The following FGF12 variants were observed in gnomAD, a reference collection of about 807,000 sequenced individuals.
FGF12 encodes fibroblast growth factor 12.
FGF12 carries 14 observed loss-of-function variants against 23.6 expected under a neutral mutation model. The ratio of observed to expected loss-of-function variants is 0.59; its 90% CI spans 0.39 to 0.93. FGF12 has a LOEUF of 0.93. Ranked by LOEUF, FGF12 falls within the 40% of genes least tolerant of loss-of-function variation. FGF12 has a pLI of 0.00. For synonymous variants in FGF12, 62 were observed against 77.3 expected, an observed-to-expected ratio of 0.80 and a Z score of 1.04; for missense variants, 175 against 217.8, an observed-to-expected ratio of 0.80 and a Z score of 1.24.
intron 2 of FGF12, among the ~76,000 whole-genome samples, chr3:192,583,636 T>G (rs554525937): frequency 1.8e-4 from 28 of 152,324 alleles, no homozygotes; most frequent in Admixed American, 1.3e-3. Context: ...ACCCCCTGAC[T>G]TCATCCTACC....
At chr3:192,642,401 T>C (rs1715840866) in intron 2 of FGF12, among the ~76,000 whole-genome samples, 1 of 152,138 alleles carries the variant, frequency 6.6e-6, no homozygotes, top group Non-Finnish European at 1.5e-5. Flanking sequence ...ACTTGAAAGA[T>C]ACAAGATAAT....
At chr3:192,496,506 T>C (rs1410681012) in intron 2 of FGF12, among the ~76,000 whole-genome samples, 2 of 152,168 alleles carry the variant, frequency 1.3e-5, no homozygotes, top group African/African-American at 4.8e-5. Flanking sequence ...CATCAGCATA[T>C]AAATATGCTA....
chr3:192,337,882 T>C (rs1306381881), intron 3 of FGF12, among the ~76,000 whole-genome samples: 2 of 152,214 alleles, frequency 1.3e-5, no homozygotes, highest in Admixed American at 1.3e-4. Context: ...TTCAGCAGAT[T>C]GCTTTAAAGC....
At chr3:192,328,650 T>C (rs1424949656) in intron 4 of FGF12, among the ~76,000 whole-genome samples, 1 of 152,192 alleles carries the variant, frequency 6.6e-6, no homozygotes, top group African/African-American at 2.4e-5. Context: ...TCTGGAAAGT[T>C]ATCAATCTAA....
intron 2 of FGF12, among the ~76,000 whole-genome samples, chr3:192,643,392 A>G (rs1280025341): frequency 6.6e-6 from 1 of 152,208 alleles, no homozygotes; most frequent in Non-Finnish European, 1.5e-5. Context: ...ATTTTGTCCA[A>G]TGTGAATCTT....
intron 2 of FGF12, among the ~76,000 whole-genome samples, chr3:192,694,108 T>C (rs1718031053): frequency 6.6e-6 from 1 of 152,088 alleles, no homozygotes; most frequent in African/African-American, 2.4e-5. Context: ...TAGACATTTC[T>C]CCAAGGAGGA....
intron 2 of FGF12, among the ~76,000 whole-genome samples, chr3:192,411,717 G>T (rs971289613): frequency 2.6e-5 from 4 of 152,160 alleles, no homozygotes; most frequent in African/African-American, 9.7e-5. Flanking sequence ...GGGCTTTGGG[G>T]GCTCCCTGTC....
At position 192,408,318 on chromosome 3, in the gene FGF12, G is replaced by C; in HGVS notation, c.14-47780C>G. On this transcript the variant is annotated intron_variant, in intron 2 of 5. Transcript: ENST00000445105. The surrounding 1 kb of genome is among the most constrained non-coding windows in gnomAD (Gnocchi z 7.3). ...GGCAGGACCTGGGCGGCCAGGGAAA[G>C]GGCAGTCGCGGGGAGGCAGTGCTAA... The C allele has an allele frequency of 6.9e-7, 1 of 1,441,532 alleles. No individual in the cohort carries two copies. The highest frequency in any genetic ancestry group is 2.5e-5 in the East Asian group (1 of 39,762). The allele number at this position is 1,441,532 out of a possible 1,614,324, so 89.3% of individuals were successfully genotyped here. A position where few individuals can be genotyped will look rare whatever the true frequency, so the allele number is the denominator to read the frequency against.
intron 4 of FGF12, among the ~76,000 whole-genome samples, chr3:192,189,323 T>C (rs1472954729): frequency 6.6e-6 from 1 of 152,208 alleles, no homozygotes; most frequent in Admixed American, 6.5e-5. Flanking sequence ...GGCATGCTTC[T>C]CAGTTCCAAA....
chr3:192,421,117 TG>T (rs1721514411), intron 2 of FGF12, among the ~76,000 whole-genome samples: 1 of 152,134 alleles, frequency 6.6e-6, no homozygotes, highest in Admixed American at 6.5e-5. Flanking sequence ...TGCTTGACAA[TG>T]TTTAACTGAC....
Position 192,173,301 on chromosome 3 carries a change from GA to G in FGF12, c.229-2646del, listed in dbSNP as rs986826403. Among the ~76,000 whole-genome samples, 6 of 150,332 alleles carry G rather than the reference GA, an allele frequency of 4.0e-5. 1 individual carries two copies. Among genetic ancestry groups the G allele is most frequent in the African/African-American group, 9.7e-5 (4 of 41,130 alleles). ...CGTGGCATTCAATTGATATCTCAAT[GA>G]AAAAAAATCAGATAAACCAGGTGAT... is the stretch of plus-strand genomic sequence containing the variant. On this transcript the variant is annotated intron_variant, in intron 4 of 5. Transcript: ENST00000445105.
At chr3:192,248,077 C>T (rs1711748373) in intron 4 of FGF12, among the ~76,000 whole-genome samples, 1 of 152,142 alleles carries the variant, frequency 6.6e-6, no homozygotes, top group Non-Finnish European at 1.5e-5. Context: ...TTCCAATATA[C>T]TATCTAGAAT....
At chr3:192,724,075 G>A (rs1466433827) in intron 2 of FGF12, among the ~76,000 whole-genome samples, 2 of 126,010 alleles carry the variant, frequency 1.6e-5, no homozygotes, top group Non-Finnish European at 3.2e-5. Context: ...AAAGAAGGAA[G>A]GAAGAAAGGA....
chr3:192,666,038 A>G (rs1035844617), intron 2 of FGF12, among the ~76,000 whole-genome samples: 2 of 152,244 alleles, frequency 1.3e-5, no homozygotes, highest in African/African-American at 4.8e-5. Context: ...AACAAAACCA[A>G]TATAACTTAC....
intron 2 of FGF12, among the ~76,000 whole-genome samples, chr3:192,498,681 C>T (rs1269895275): frequency 6.6e-6 from 1 of 151,666 alleles, no homozygotes; most frequent in Non-Finnish European, 1.5e-5. Context: ...ATTTGCTCAC[C>T]ATTGACTGAG....
chr3:192,215,401 T>C (rs937985552), intron 4 of FGF12, among the ~76,000 whole-genome samples: 16 of 152,230 alleles, frequency 1.1e-4, no homozygotes, highest in African/African-American at 3.1e-4. Context: ...TTGCTAAACC[T>C]TAGCACTATA....
At chr3:192,439,641 T>C (rs1381941588) in intron 2 of FGF12, among the ~76,000 whole-genome samples, 4 of 152,194 alleles carry the variant, frequency 2.6e-5, no homozygotes, top group East Asian at 1.9e-4. Flanking sequence ...GTAAGTTAAA[T>C]GGGAAATTGC....
chr3:192,473,700 T>C lies in FGF12; in HGVS notation c.14-113162A>G, dbSNP rs189211753. On this transcript the variant is annotated intron_variant, in intron 2 of 5. Coordinates refer to ENST00000445105, the MANE Select transcript of FGF12 (RefSeq NM_004113.6). ...GTCAAATGACTTGTCATACATTCTC[T>C]GGGAAAGAACCACATTCCCACCTCA... Among the ~76,000 whole-genome samples, 9 of 152,356 alleles carry C rather than the reference T, an allele frequency of 5.9e-5. No individual in the cohort carries two copies. The East Asian group carries it at 1.7e-3, about 29-fold the overall frequency.
rs1411446701 is a variant in FGF12, at chr3:192,141,305, T to G, written c.*2704A>C. 1 of 152,088 alleles carries G rather than the reference T, an allele frequency of 6.6e-6. No homozygotes were observed. The highest frequency in any genetic ancestry group is 1.9e-4 in the East Asian group (1 of 5,174). 9.4% of individuals were successfully genotyped at this position (152,088 alleles called of 1,614,324 possible). A position where few individuals can be genotyped will look rare whatever the true frequency, so the allele number is the denominator to read the frequency against. On this transcript the variant is annotated 3_prime_UTR_variant, in exon 6 of 6. Transcript: ENST00000445105. Reference sequence around the variant, plus strand: ...TTTTTGGATGAAGTTGGATATTATATGTTTACACATGGTAATATTTTTAAA... The same window carrying G: ...TTTTTGGATGAAGTTGGATATTATAGGTTTACACATGGTAATATTTTTAAA...
Sources: gnomAD v4.1 joint callset for allele counts (sites outside exome capture counted in the v4.1 genomes callset) on GRCh38, gnomAD v4.1.1 for gene constraint, Gnocchi (gnomAD v3.1) non-coding constraint, MANE v1.5 for transcripts, NCBI Gene and HGNC (gene_info 2026-07-23, HGNC 2026-07-21) for gene names.